RGMA: variants seen among roughly 807,000 people sequenced by gnomAD.
The protein encoded by RGMA is repulsive guidance molecule BMP co-receptor a.
In RGMA, 10 loss-of-function variants were observed where a neutral mutation model predicts 23.2. The ratio of observed to expected loss-of-function variants is 0.43; its 90% confidence interval spans 0.27 to 0.73. The LOEUF (loss-of-function observed/expected upper bound fraction) is 0.73, where lower values mean the gene tolerates loss of function less well. Among genes scored for constraint, RGMA ranks in the 30% least tolerant of loss-of-function variants. The pLI is 0.20. For synonymous variants in RGMA, 308 were observed against 279.3 expected (o/e 1.10, Z -1.03); for missense variants, 547 against 630.5 (o/e 0.87, Z 1.42).
intron 2 of RGMA, among the ~76,000 whole-genome samples, chr15:93,057,553 GAAAATA>G (rs2055034286): frequency 6.6e-6 from 1 of 152,144 alleles, no homozygotes. Context: ...AGAACGCTGA[GAAAATA>G]AACGTCTGTT....
chr15:93,080,224 A>G (rs1234500897), intron 1 of RGMA, among the ~76,000 whole-genome samples: 1 of 152,048 alleles, frequency 6.6e-6, no homozygotes. Context: ...TTTGAGACAA[A>G]GTCTTGCTCT....
At chr15:93,062,158 G>A (rs1236518495) in intron 2 of RGMA, among the ~76,000 whole-genome samples, 1 of 152,138 alleles carries the variant, frequency 6.6e-6, no homozygotes, top group African/African-American at 2.4e-5. Context: ...AGCTGTTTTT[G>A]TCCAACTCTG....
intron 3 of RGMA, among the ~76,000 whole-genome samples, chr15:93,046,314 G>C (rs2054823645): frequency 6.6e-6 from 1 of 152,088 alleles, no homozygotes; most frequent in Non-Finnish European, 1.5e-5. Flanking sequence ...ACAAACCAAG[G>C]GATGCTGGCA....
chr15:93,046,446 T>C (rs2054826074), intron 3 of RGMA, among the ~76,000 whole-genome samples: 1 of 152,200 alleles, frequency 6.6e-6, no homozygotes, highest in Non-Finnish European at 1.5e-5. Context: ...TCCACAATTA[T>C]AAAACATTTC....
rs1389863951 is a variant in RGMA, at chr15:93,038,304, G to C, written c.*6694C>G. On this transcript the variant is annotated 3_prime_UTR_variant, in exon 4 of 4. Coordinates refer to ENST00000329082, the MANE Select transcript of RGMA (RefSeq NM_020211.3). The stretch of plus-strand genomic sequence containing the variant: ...GCAAGCTTCTTTCCATTGTTTCAAG[G>C]GTTTGGTAAGTAAGGCCAATCAGAC... The C allele has an allele frequency of 1.3e-5, 2 of 152,218 alleles. No individual in the cohort carries two copies. The highest frequency in any genetic ancestry group is 6.5e-5 in the Admixed American group (1 of 15,278). The allele number at this position is 152,218 out of a possible 1,614,324, so 9.4% of individuals were successfully genotyped here. A position where few individuals can be genotyped will look rare whatever the true frequency, so the allele number is the denominator to read the frequency against.
At chr15:93,087,663 G>A (rs867402425) in intron 1 of RGMA, among the ~76,000 whole-genome samples, 9 of 152,106 alleles carry the variant, frequency 5.9e-5, no homozygotes, top group African/African-American at 2.2e-4. Context: ...AGAGGTTTGT[G>A]CATTGGTTTT....
chr15:93,066,388 A>G (rs4778090), intron 2 of RGMA: 420,286 of 673,054 alleles, frequency 0.62, 134,167 homozygotes, highest in East Asian at 0.87. Context: ...GCGTGACTCC[A>G]GGTGGGGGAA....
intron 1 of RGMA, among the ~76,000 whole-genome samples, chr15:93,077,809 G>GC (rs1198046361): frequency 2.6e-5 from 4 of 152,220 alleles, no homozygotes; most frequent in African/African-American, 7.2e-5. Flanking sequence ...CTGGGTTCAA[G>GC]CAATTCTTGT....
chr15:93,059,276 G>T (rs984122061), intron 2 of RGMA, among the ~76,000 whole-genome samples: 8 of 152,182 alleles, frequency 5.3e-5, no homozygotes, highest in Non-Finnish European at 1.2e-4. Context: ...TGGTCTCAGG[G>T]CAGTAACCAG....
At chr15:93,057,624 G>A (rs910505151) in intron 2 of RGMA, among the ~76,000 whole-genome samples, 1 of 152,180 alleles carries the variant, frequency 6.6e-6, no homozygotes, top group Admixed American at 6.5e-5. Flanking sequence ...TAAAGAGACA[G>A]TCATAGAGGG....
chr15:93,070,768 A>G (rs974958683), intron 2 of RGMA, among the ~76,000 whole-genome samples: 1 of 152,266 alleles, frequency 6.6e-6, no homozygotes, highest in East Asian at 1.9e-4. Flanking sequence ...ACAGGAGAGC[A>G]GCTATCAGTT....
chr15:93,088,677 G>A (rs1895683584), intron 1 of RGMA: 4 of 859,232 alleles, frequency 4.7e-6, no homozygotes, highest in Admixed American at 4.1e-5. Flanking sequence ...AACCACGCGC[G>A]CTGGCGGCTG....
chr15:93,065,820 G>T, intron 2 of RGMA: 1 of 828,498 alleles, frequency 1.2e-6, no homozygotes, highest in Non-Finnish European at 2.0e-6. Flanking sequence ...TGAGGTAGGG[G>T]AACCCGCTCA....
chr15:93,073,433 C>A lies in RGMA; in HGVS notation c.15-402G>T, dbSNP rs1895407688. 9.6e-6 allele frequency: 8 copies of A among 835,858 alleles called. No homozygotes were observed. The East Asian group carries it at 2.5e-4, about 26-fold the overall frequency. The allele number at this position is 835,858 out of a possible 1,614,324, so 51.8% of individuals were successfully genotyped here. A position where few individuals can be genotyped will look rare whatever the true frequency, so the allele number is the denominator to read the frequency against. On this transcript the variant is annotated intron_variant, in intron 1 of 3. Transcript: ENST00000329082. Reference sequence around the variant, plus strand: ...CGCGCCATCTCCAGCCCGCGGCTGTCCTTGCAAACCAGGCCCAGCACCCTT... The same window carrying A: ...CGCGCCATCTCCAGCCCGCGGCTGTACTTGCAAACCAGGCCCAGCACCCTT...
Position 93,045,112 on chromosome 15 carries a change from C to G in RGMA, c.1239G>C (p.Leu413=), listed in dbSNP as rs954949899. 2.5e-6 allele frequency: 4 copies of G among 1,590,648 alleles called. No individual in the cohort carries two copies. Among genetic ancestry groups the G allele is most frequent in the Non-Finnish European group, 3.4e-6 (4 of 1,168,678 alleles). ...MLHSNKDKLH[L]YERTRDLPGR... Reference sequence around the variant, plus strand: ...CTGGCAGGTCCCGAGTCCTCTCATACAGGTGCAGTTTGTCTTTGTTGGAGT... The same window carrying G: ...CTGGCAGGTCCCGAGTCCTCTCATAGAGGTGCAGTTTGTCTTTGTTGGAGT... The change falls in exon 4 of 4, where the codon CTG becomes CTC. Residue 413 remains leucine (L), a synonymous_variant. Transcript: ENST00000329082. The surrounding 1 kb of genome is among the most constrained non-coding windows in gnomAD (Gnocchi z 6.9).
rs949356422 is a variant in RGMA, at chr15:93,045,103, C to T, written c.1248G>A (p.Arg416=). 1.3e-6 allele frequency: 2 copies of T among 1,586,628 alleles called. No homozygotes were observed. Among genetic ancestry groups the T allele is most frequent in the East Asian group, 2.3e-5 (1 of 43,424 alleles). The change falls in exon 4 of 4, where the codon AGG becomes AGA. Residue 416 remains arginine (R), a synonymous_variant. Transcript: ENST00000329082. The surrounding 1 kb of genome is among the most constrained non-coding windows in gnomAD (Gnocchi z 6.9). ...CCGCCCTGCCTGGCAGGTCCCGAGT[C>T]CTCTCATACAGGTGCAGTTTGTCTT... ...SNKDKLHLYE[R]TRDLPGRAAA...
intron 3 of RGMA, among the ~76,000 whole-genome samples, chr15:93,048,042 G>C (rs2054854818): frequency 6.6e-6 from 1 of 152,148 alleles, no homozygotes; most frequent in Admixed American, 6.5e-5. Context: ...TGTTTGGGGC[G>C]GGCTGGCCCA....
chr15:93,065,966 G>A (rs1267272705), intron 2 of RGMA: 11 of 980,792 alleles, frequency 1.1e-5, no homozygotes, highest in African/African-American at 3.2e-5. Flanking sequence ...GGGGGGCGCC[G>A]TCGTCTGGGC....
chr15:93,055,864 G>A (rs1451249184), intron 2 of RGMA, among the ~76,000 whole-genome samples: 3 of 152,214 alleles, frequency 2.0e-5, no homozygotes, highest in East Asian at 1.9e-4. Flanking sequence ...GACTGGCTTC[G>A]TGATCGGGAT....
Sources: allele counts gnomAD v4.1 joint callset (sites outside exome capture counted in the v4.1 genomes callset), GRCh38; gene constraint gnomAD v4.1.1; non-coding constraint Gnocchi (gnomAD v3.1); transcripts MANE v1.5; gene names NCBI Gene and HGNC (gene_info 2026-07-23, HGNC 2026-07-21).